Variants in BCKDHB observed in about 807,000 individuals in gnomAD.
BCKDHB encodes the protein branched chain keto acid dehydrogenase E1 subunit beta, also known as 2-oxoisovalerate dehydrogenase subunit beta, mitochondrial.
A neutral mutation model predicts 48.5 loss-of-function variants in BCKDHB; 41 were observed. That is an observed-to-expected ratio of 0.85 (90% CI 0.66 to 1.10). The LOEUF (loss-of-function observed/expected upper bound fraction) is 1.10. Among genes scored for constraint, BCKDHB ranks in the 50% least tolerant of loss-of-function variants. BCKDHB has a pLI of 0.00. For missense variants in BCKDHB, 496 were observed against 494.2 expected (o/e 1.00, Z -0.03); for synonymous variants, 201 against 174.8 (o/e 1.15, Z -1.18).
chr6:80,204,425 C>T (rs1426384065), intron 8 of BCKDHB, among the ~76,000 whole-genome samples: 1 of 152,008 alleles, frequency 6.6e-6, no homozygotes, highest in Admixed American at 6.6e-5. Context: ...ACGCTTTTTG[C>T]AGGCATTTTC....
chr6:80,209,591 T>G (rs747753477), intron 8 of BCKDHB, among the ~76,000 whole-genome samples: 4 of 151,960 alleles, frequency 2.6e-5, no homozygotes, highest in Admixed American at 6.6e-5. Context: ...AAGAGGTAGT[T>G]TTCTCAATAG....
At chr6:80,314,129 G>T (rs1174206450) in intron 9 of BCKDHB, among the ~76,000 whole-genome samples, 1 of 152,144 alleles carries the variant, frequency 6.6e-6, no homozygotes, top group Admixed American at 6.5e-5. Flanking sequence ...TGTTTATTAT[G>T]ATTTCAGTAC....
Position 80,344,260 on chromosome 6 carries a change from C to T in BCKDHB, c.*456C>T, listed in dbSNP as rs963838595. On this transcript the variant is annotated 3_prime_UTR_variant, in exon 10 of 10. Transcript: ENST00000320393. ...CCTCAAGTGATCCACCTGCCTTAGC[C>T]TCCCAAAGTGCTGGGATTACAGGCA... 3 of 235,806 alleles carry T rather than the reference C, an allele frequency of 1.3e-5. No homozygotes were observed. The highest frequency in any genetic ancestry group is 6.9e-5 in the African/African-American group (3 of 43,228). The allele number at this position is 235,806 out of a possible 1,614,324, so 14.6% of individuals were successfully genotyped here. A position where few individuals can be genotyped will look rare whatever the true frequency, so the allele number is the denominator to read the frequency against.
intron 9 of BCKDHB, among the ~76,000 whole-genome samples, chr6:80,287,964 T>C (rs1218529176): frequency 6.6e-6 from 1 of 152,200 alleles, no homozygotes; most frequent in Non-Finnish European, 1.5e-5. Flanking sequence ...CTTGTTCACT[T>C]CTATAATTTA....
chr6:80,316,112 G>A (rs943024920), intron 9 of BCKDHB, among the ~76,000 whole-genome samples: 8 of 152,156 alleles, frequency 5.3e-5, no homozygotes, highest in Admixed American at 1.3e-4. Flanking sequence ...TTAGGATTCC[G>A]AAACAGTGAA....
In BCKDHB at chr6:80,273,230, AT is replaced by A; in HGVS notation, c.1038+14del. ...TCAGCTCTACAGTTCAGGTAGAGTAATTTTTGGAACTGATTTCAATGCTTGT... is the reference window on the plus strand; with the variant it reads ...TCAGCTCTACAGTTCAGGTAGAGTAATTTTGGAACTGATTTCAATGCTTGT... On this transcript the variant is annotated intron_variant, in intron 9 of 9. Coordinates refer to ENST00000320393, the MANE Select transcript of BCKDHB (RefSeq NM_183050.4). 1 of 1,610,966 alleles carries A rather than the reference AT, an allele frequency of 6.2e-7. No homozygotes were observed.
At chr6:80,148,537 T>G (rs966640138) in intron 3 of BCKDHB, among the ~76,000 whole-genome samples, 1 of 152,140 alleles carries the variant, frequency 6.6e-6, no homozygotes, top group African/African-American at 2.4e-5. Context: ...ATGCTCCCAG[T>G]ACTTTTGATC....
the BCKDHB span, among the ~76,000 whole-genome samples, chr6:80,411,875 G>T: frequency 2.6e-5 from 4 of 152,206 alleles, no homozygotes; most frequent in East Asian, 7.7e-4. Flanking sequence ...CAGCTTCCTT[G>T]GTTAGGAAAG....
At chr6:80,112,914 AT>A (rs1174983468) in intron 1 of BCKDHB, among the ~76,000 whole-genome samples, 1 of 152,194 alleles carries the variant, frequency 6.6e-6, no homozygotes, top group Non-Finnish European at 1.5e-5. Flanking sequence ...TAGCATACTT[AT>A]GATTTGATAA....
At chr6:80,417,078 G>T in the BCKDHB span, among the ~76,000 whole-genome samples, 4 of 152,104 alleles carry the variant, frequency 2.6e-5, no homozygotes, top group African/African-American at 9.7e-5. Flanking sequence ...AGATGATTTT[G>T]TTGAATTGAA....
chr6:80,167,246 T>G (rs1443073661), intron 3 of BCKDHB, among the ~76,000 whole-genome samples: 2 of 152,100 alleles, frequency 1.3e-5, no homozygotes, highest in African/African-American at 4.8e-5. Flanking sequence ...TCCTTCTTTT[T>G]TCTTTTTTTT....
chr6:80,191,014 A>C (rs1350210135), intron 6 of BCKDHB, among the ~76,000 whole-genome samples: 1 of 152,292 alleles, frequency 6.6e-6, no homozygotes. Flanking sequence ...TGGTTCCAGC[A>C]CTGATAGTGG....
chr6:80,358,105 AT>A, the BCKDHB span, among the ~76,000 whole-genome samples: 4,798 of 150,892 alleles, frequency 0.032, 278 homozygotes, highest in African/African-American at 0.11. Flanking sequence ...TGTATATGTC[AT>A]TTTTTTTTCT....
At chr6:80,307,029 C>G (rs1038229680) in intron 9 of BCKDHB, among the ~76,000 whole-genome samples, 4 of 152,184 alleles carry the variant, frequency 2.6e-5, no homozygotes, top group Non-Finnish European at 2.9e-5. Context: ...GAGCCGGGGT[C>G]CTCAAGCCTC....
the BCKDHB span, chr6:80,465,800 G>T: frequency 1.3e-5 from 2 of 152,176 alleles, no homozygotes; most frequent in African/African-American, 4.8e-5. Context: ...AAGTAGGAGA[G>T]GAAATAAGGA....
intron 6 of BCKDHB, among the ~76,000 whole-genome samples, chr6:80,179,420 T>C (rs1352917417): frequency 1.3e-5 from 2 of 152,176 alleles, no homozygotes; most frequent in African/African-American, 4.8e-5. Flanking sequence ...CATTATTCTC[T>C]AAACAATACA....
chr6:80,274,543 A>G (rs1777890045), intron 9 of BCKDHB, among the ~76,000 whole-genome samples: 1 of 152,036 alleles, frequency 6.6e-6, no homozygotes, highest in African/African-American at 2.4e-5. Context: ...TAGTTAATAT[A>G]TAGTCTACTA....
Position 80,346,040 on chromosome 6 carries a change from G to A in BCKDHB, c.*2236G>A, listed in dbSNP as rs1200874221. The A allele has an allele frequency of 1.3e-5, 2 of 151,914 alleles. No homozygotes were observed. Among genetic ancestry groups the A allele is most frequent in the African/African-American group, 2.4e-5 (1 of 41,358 alleles). The allele number at this position is 151,914 out of a possible 1,614,324, so 9.4% of individuals were successfully genotyped here. On this transcript the variant is annotated 3_prime_UTR_variant, in exon 10 of 10. Coordinates refer to ENST00000320393, the MANE Select transcript of BCKDHB (RefSeq NM_183050.4). ...CTGAATTTTTTTTTATATTTCCTCC[G>A]ACTTACCTCTTTTTGAAAAGAGAGT...
the BCKDHB span, among the ~76,000 whole-genome samples, chr6:80,449,953 T>C: frequency 6.6e-6 from 1 of 152,216 alleles, no homozygotes; most frequent in Non-Finnish European, 1.5e-5. Context: ...TGGTGACTAA[T>C]GAGTTTATTT....
Sources: gnomAD v4.1 joint callset for allele counts (sites outside exome capture counted in the v4.1 genomes callset) on GRCh38, gnomAD v4.1.1 for gene constraint, MANE v1.5 for transcripts, NCBI Gene and HGNC (gene_info 2026-07-23, HGNC 2026-07-21) for gene names.